The following RIMS2 variants were observed in gnomAD, a reference collection of about 807,000 sequenced individuals.
The protein encoded by RIMS2 is regulating synaptic membrane exocytosis protein 2.
RIMS2 carries 59 observed loss-of-function variants against 174.4 expected under a neutral mutation model. The ratio of observed to expected loss-of-function variants is 0.34; its 90% CI spans 0.27 to 0.42. RIMS2 has a LOEUF of 0.42. Ranked by LOEUF, RIMS2 falls within the 10% of genes least tolerant of loss-of-function variation. RIMS2 has a pLI of 1.00. For missense variants in RIMS2, 1,620 were observed against 1,666.3 expected (o/e 0.97, Z 0.48); for synonymous variants, 606 against 572.5 (o/e 1.06, Z -0.84).
chr8:103,629,866 A>C (rs1374960359), intron 1 of RIMS2, among the ~76,000 whole-genome samples: 8 of 152,128 alleles, frequency 5.3e-5, no homozygotes, highest in African/African-American at 1.9e-4. Flanking sequence ...TGAACAGAAA[A>C]AACAAATTAA....
chr8:104,083,455 C>G (rs1414950373), intron 19 of RIMS2, among the ~76,000 whole-genome samples: 2 of 152,062 alleles, frequency 1.3e-5, no homozygotes, highest in Non-Finnish European at 2.9e-5. Context: ...AATTTCTATA[C>G]CCTATATCCC....
At chr8:103,885,771 C>T in exon 4 of RIMS2, 4 of 1,612,842 alleles carry the variant, frequency 2.5e-6, no homozygotes, top group Non-Finnish European at 1.7e-6. Context: ...ATGGATCGAC[C>T]ATCAAGGCAA....
chr8:103,509,886 TCTTA>T (rs1313523210), intron 1 of RIMS2, among the ~76,000 whole-genome samples: 2 of 152,114 alleles, frequency 1.3e-5, no homozygotes, highest in Non-Finnish European at 2.9e-5. Flanking sequence ...CTGTCAAAAC[TCTTA>T]CTTTTTGTAC....
rs1180153522 is a variant in RIMS2 at position 103,912,034 on chromosome 8, T to C, written c.1693-19T>C. On this transcript the variant is annotated intron_variant, in intron 5 of 23. Transcript: ENST00000504942. ...TTATTTTGTATTTATTTATTTTGTT[T>C]GTTGATGCAAAATGTCAGCACCCTG... is the stretch of plus-strand genomic sequence containing the variant. The C allele has an allele frequency of 6.6e-7, 1 of 1,519,194 alleles. No homozygotes were observed. Among genetic ancestry groups the C allele is most frequent in the African/African-American group, 1.4e-5 (1 of 71,954 alleles). 94.1% of individuals were successfully genotyped at this position (1,519,194 alleles called of 1,614,324 possible). A position where few individuals can be genotyped will look rare whatever the true frequency, so the allele number is the denominator to read the frequency against.
chr8:103,778,630 T>TG (rs2098346302), intron 3 of RIMS2, among the ~76,000 whole-genome samples: 1 of 152,188 alleles, frequency 6.6e-6, no homozygotes. Flanking sequence ...TCTATATATA[T>TG]GTCACATTAT....
chr8:104,192,051 T>C (rs1331136603), intron 19 of RIMS2, among the ~76,000 whole-genome samples: 1 of 152,188 alleles, frequency 6.6e-6, no homozygotes, highest in Non-Finnish European at 1.5e-5. Context: ...CCAAAAAATG[T>C]ATGGTTTTAC....
At chr8:103,859,402 G>A (rs993843850) in intron 3 of RIMS2, among the ~76,000 whole-genome samples, 15 of 152,130 alleles carry the variant, frequency 9.9e-5, no homozygotes, top group African/African-American at 3.6e-4. Flanking sequence ...ACCCCCCACT[G>A]AAGGCCAAAT....
chr8:103,576,929 A>G (rs967186563), intron 1 of RIMS2, among the ~76,000 whole-genome samples: 1 of 152,160 alleles, frequency 6.6e-6, no homozygotes, highest in African/African-American at 2.4e-5. Flanking sequence ...TTAACTCAAG[A>G]TGGATTAAAG....
intron 1 of RIMS2, among the ~76,000 whole-genome samples, chr8:103,539,943 G>A (rs552179991): frequency 2.0e-3 from 305 of 152,332 alleles, no homozygotes; most frequent in African/African-American, 6.9e-3. Context: ...AATGCTCCAC[G>A]CACCAGCTCA....
intron 13 of RIMS2, 83 bp downstream of exon 15, chr8:103,936,805 T>A: frequency 8.9e-7 from 1 of 1,127,128 alleles, no homozygotes; most frequent in Non-Finnish European, 1.3e-6. Flanking sequence ...TAATTTCATT[T>A]GTAGAATAGG....
chr8:103,788,987 A>C (rs912325010), intron 3 of RIMS2, among the ~76,000 whole-genome samples: 3 of 152,178 alleles, frequency 2.0e-5, no homozygotes, highest in African/African-American at 7.2e-5. Context: ...GCCGTTTTTT[A>C]AGCCCTTCGG....
intron 19 of RIMS2, among the ~76,000 whole-genome samples, chr8:104,119,574 ATTATTT>A (rs1400822459): frequency 6.6e-6 from 1 of 152,196 alleles, no homozygotes; most frequent in Non-Finnish European, 1.5e-5. Flanking sequence ...TGTTAAAATT[ATTATTT>A]TTAAGTCAAA....
chr8:103,748,839 T>A (rs1243082603), intron 2 of RIMS2, among the ~76,000 whole-genome samples: 1 of 152,104 alleles, frequency 6.6e-6, no homozygotes, highest in Non-Finnish European at 1.5e-5. Flanking sequence ...TTACTCTTGT[T>A]GCCCAAGCTG....
At chr8:103,824,384 T>C (rs1312105532) in intron 3 of RIMS2, among the ~76,000 whole-genome samples, 2 of 152,160 alleles carry the variant, frequency 1.3e-5, no homozygotes, top group Non-Finnish European at 2.9e-5. Context: ...TTCCTATCCA[T>C]GTATGAATTA....
At chr8:103,752,839 A>G (rs555805095) in intron 2 of RIMS2, among the ~76,000 whole-genome samples, 1 of 152,282 alleles carries the variant, frequency 6.6e-6, no homozygotes, top group African/African-American at 2.4e-5. Context: ...TTGGGCTGAG[A>G]CAATGGGGGT....
intron 19 of RIMS2, among the ~76,000 whole-genome samples, chr8:104,162,646 C>T (rs1732557867): frequency 6.6e-6 from 1 of 152,016 alleles, no homozygotes; most frequent in African/African-American, 2.4e-5. Context: ...AAAAATTCCT[C>T]AGGAAAGTAC....
chr8:103,713,877 C>T (rs907947016), intron 2 of RIMS2, among the ~76,000 whole-genome samples: 1 of 152,138 alleles, frequency 6.6e-6, no homozygotes, highest in African/African-American at 2.4e-5. Flanking sequence ...ATACTACTTA[C>T]ACTTCTCTTA....
intron 20 of RIMS2, among the ~76,000 whole-genome samples, chr8:104,245,546 T>C (rs894356586): frequency 2.0e-5 from 3 of 152,190 alleles, no homozygotes; most frequent in Non-Finnish European, 4.4e-5. Context: ...ACCAAAAAAC[T>C]TGGGGAGCCT....
chr8:104,087,022 A>G (rs1334110479), intron 19 of RIMS2, among the ~76,000 whole-genome samples: 1 of 151,924 alleles, frequency 6.6e-6, no homozygotes, highest in Non-Finnish European at 1.5e-5. Context: ...GTAAATTGGA[A>G]TTTTTTTTCC....
Sources: gnomAD v4.1 joint callset for allele counts (sites outside exome capture counted in the v4.1 genomes callset) on GRCh38, gnomAD v4.1.1 for gene constraint, MANE v1.5 for transcripts, NCBI Gene and HGNC (gene_info 2026-07-23, HGNC 2026-07-21) for gene names.